The following TMED9 variants were observed in gnomAD, a reference collection of about 807,000 sequenced individuals.
TMED9 encodes transmembrane p24 trafficking protein 9.
In TMED9, 22 loss-of-function variants were observed where a neutral mutation model predicts 30.6. That is an observed-to-expected ratio of 0.72 (90% CI 0.51 to 1.03). TMED9 has a LOEUF of 1.03. Ranked by LOEUF, TMED9 falls within the 50% of genes least tolerant of loss-of-function variation. The pLI, the probability that TMED9 is intolerant of heterozygous loss-of-function variation, is 0.00. For missense variants in TMED9, 251 were observed against 302.1 expected, an observed-to-expected ratio of 0.83 and a Z score of 1.25; for synonymous variants, 146 against 122.8, an observed-to-expected ratio of 1.19 and a Z score of -1.25.
intron 2 of TMED9, 120 bp downstream of exon 2, chr5:177,592,795 T>A: frequency 1.4e-6 from 1 of 733,038 alleles, no homozygotes; most frequent in Non-Finnish European, 2.3e-6. Context: ...GGGAATATCC[T>A]GCTGACTTGC....
At chr5:177,594,523 C>T (rs1170628140) in intron 4 of TMED9, among the ~76,000 whole-genome samples, 1 of 152,234 alleles carries the variant, frequency 6.6e-6, no homozygotes, top group African/African-American at 2.4e-5. Flanking sequence ...TTGATACCAA[C>T]ACCTTGGGTG....
intron 2 of TMED9, 105 bp from the exon 3 acceptor site, chr5:177,593,545 A>G (rs1203099803): frequency 7.0e-7 from 1 of 1,425,018 alleles, no homozygotes; most frequent in Non-Finnish European, 9.7e-7. Flanking sequence ...TGAGGTGCGA[A>G]AGGCTGTGCC....
rs1422282519 is a variant in TMED9, at chr5:177,592,887, A to G, written c.285+212A>G. On this transcript the variant is annotated intron_variant, in intron 2 of 4. Transcript: ENST00000332598. ...GTTTTGTCAACTCTTAAAGTCATCT[A>G]GACTTTAAGATTTCACAGAACATGA... Among the ~76,000 whole-genome samples, 3 of 152,320 alleles carry G rather than the reference A, an allele frequency of 2.0e-5. 1 individual carries two copies. The highest frequency in any genetic ancestry group is 6.8e-3 in the Middle Eastern group (2 of 294).
chr5:177,593,815 A>G, intron 3 of TMED9, 40 bp downstream of exon 3: 1 of 1,611,816 alleles, frequency 6.2e-7, no homozygotes, highest in Non-Finnish European at 8.5e-7. Context: ...TTCAGCCTTC[A>G]TCCTTTGGTG....
At position 177,595,479 on chromosome 5, in the gene TMED9, T is replaced by C; in HGVS notation, c.*63T>C. 6.5e-7 allele frequency: 1 copy of C among 1,533,146 alleles called. No individual in the cohort carries two copies. The highest frequency in any genetic ancestry group is 8.9e-7 in the Non-Finnish European group (1 of 1,129,686). The allele number at this position is 1,533,146 out of a possible 1,614,324, so 95.0% of individuals were successfully genotyped here. ...GGAGAAAGGACCTCCTGGAACTGAC[T>C]TCTTCTGTCAGGAGGACTGGTTTCC... On this transcript the variant is annotated 3_prime_UTR_variant, in exon 5 of 5. Coordinates refer to ENST00000332598, the MANE Select transcript of TMED9 (RefSeq NM_017510.6).
At chr5:177,593,936 T>G (rs902684636) in intron 3 of TMED9, 161 bp downstream of exon 3, 14 of 1,218,378 alleles carry the variant, frequency 1.1e-5, no homozygotes, top group Non-Finnish European at 1.6e-5. Context: ...ACTGAGCTCT[T>G]TGTACATGCC....
In TMED9 at chr5:177,592,545, C is replaced by G. The variant is rs772972608; in HGVS notation, c.185-30C>G. On this transcript the variant is annotated intron_variant, in intron 1 of 4. Transcript: ENST00000332598. Reference sequence around the variant, plus strand: ...GGAACCCATGCCACCTCGCGCTCCTCTGACCTGGGCTCGCCCTGCTTCCCT... The same window carrying G: ...GGAACCCATGCCACCTCGCGCTCCTGTGACCTGGGCTCGCCCTGCTTCCCT... 13 of 1,599,332 alleles carry G rather than the reference C, an allele frequency of 8.1e-6. No homozygotes were observed. The African/African-American group carries it at 1.6e-4, about 20-fold the overall frequency.
At chr5:177,593,866 A>G in intron 3 of TMED9, 91 bp downstream of exon 3, 4 of 1,549,286 alleles carry the variant, frequency 2.6e-6, no homozygotes, top group Non-Finnish European at 3.5e-6. Context: ...TGAGAGGATT[A>G]TGTCAGATTT....
chr5:177,593,539 G>C, intron 2 of TMED9, 111 bp from the exon 3 acceptor site: 1 of 1,322,236 alleles, frequency 7.6e-7, no homozygotes, highest in Non-Finnish European at 1.1e-6. Flanking sequence ...GTGTTGTGAG[G>C]TGCGAAAGGC....
chr5:177,594,520 C>G (rs978082491), intron 4 of TMED9, among the ~76,000 whole-genome samples: 1 of 152,192 alleles, frequency 6.6e-6, no homozygotes. Context: ...CATTTGATAC[C>G]AACACCTTGG....
At chr5:177,594,849 G>A (rs2127507813) in intron 4 of TMED9, among the ~76,000 whole-genome samples, 1 of 152,288 alleles carries the variant, frequency 6.6e-6, no homozygotes, top group Non-Finnish European at 1.5e-5. Flanking sequence ...TGTGCACTGT[G>A]TGAGGCCAAC....
In TMED9 at chr5:177,596,697, G is replaced by A. The variant is rs184604089; in HGVS notation, c.*1281G>A. ...TGGATTAGAGAAGCCTCGAGCTCCA[G>A]GTAAGCGATTTGGACATGCCCACCT... On this transcript the variant is annotated 3_prime_UTR_variant, in exon 5 of 5. Transcript: ENST00000332598. Among the ~76,000 whole-genome samples, 211 of 152,324 alleles carry A rather than the reference G, an allele frequency of 1.4e-3. 3 individuals carry two copies. The highest frequency in any genetic ancestry group is 7.8e-4 in the Non-Finnish European group (53 of 68,028).
chr5:177,593,995 C>A, intron 3 of TMED9, 144 bp from the exon 4 acceptor site: 1 of 1,245,610 alleles, frequency 8.0e-7, no homozygotes, highest in Non-Finnish European at 1.1e-6. Flanking sequence ...GTGCCCAGAG[C>A]CTCATGGGGC....
At chr5:177,593,003 C>T (rs188715155) in intron 2 of TMED9, among the ~76,000 whole-genome samples, 4 of 152,204 alleles carry the variant, frequency 2.6e-5, no homozygotes, top group African/African-American at 9.6e-5. Flanking sequence ...CCTTCTGTCA[C>T]TTTTCGTTAA....
chr5:177,594,247 C>G lies in TMED9; in HGVS notation c.520C>G (p.Gln174Glu), dbSNP rs746430570. The change falls in exon 4 of 5, where the codon CAA becomes GAA. Residue 174 changes from glutamine (Q) to glutamate (E), a missense_variant. Coordinates refer to ENST00000332598, the MANE Select transcript of TMED9 (RefSeq NM_017510.6). ...GCTACGAGTGCGACAGCTGGTGGAA[C>G]AAGTGGAGCAGATCCAGAAAGAGCA... Reference protein sequence around the residue: ...LQLRVRQLVEQVEQIQKEQNY... With the variant: ...LQLRVRQLVEEVEQIQKEQNY... The G allele has an allele frequency of 1.2e-6, 2 of 1,614,166 alleles. No individual in the cohort carries two copies. The highest frequency in any genetic ancestry group is 1.7e-5 in the Admixed American group (1 of 60,022).
rs1767698625 is a variant in TMED9 at position 177,596,814 on chromosome 5, C to T, written c.*1398C>T. Among the ~76,000 whole-genome samples, 1 of 152,026 alleles carries T rather than the reference C, an allele frequency of 6.6e-6. No homozygotes were observed. Among genetic ancestry groups the T allele is most frequent in the African/African-American group, 2.4e-5 (1 of 41,378 alleles). ...AGCAGGTGGTGGGGTAAATGCCTGC[C>T]CCCCTCCCTCTGGCCTCTGGGCCCT... On this transcript the variant is annotated 3_prime_UTR_variant, in exon 5 of 5. Coordinates refer to ENST00000332598, the MANE Select transcript of TMED9 (RefSeq NM_017510.6).
intron 1 of TMED9, 55 bp downstream of exon 1, chr5:177,592,453 G>A: frequency 6.4e-7 from 1 of 1,558,306 alleles, no homozygotes; most frequent in African/African-American, 1.4e-5. Flanking sequence ...GTCTTGGGGC[G>A]GGGGATGCGA....
In TMED9 at chr5:177,595,671, T is replaced by A; in HGVS notation, c.*255T>A. On this transcript the variant is annotated 3_prime_UTR_variant, in exon 5 of 5. Transcript: ENST00000332598. ...ACCCAAGGGCTGGTAAAGCCCCTCC[T>A]CTTGGCACCTCAGAATCACAGTGTT... is the stretch of plus-strand genomic sequence containing the variant. The A allele has an allele frequency of 5.9e-6, 1 of 170,938 alleles. No homozygotes were observed. The allele number at this position is 170,938 out of a possible 1,614,324, so 10.6% of individuals were successfully genotyped here. A position where few individuals can be genotyped will look rare whatever the true frequency, so the allele number is the denominator to read the frequency against.
intron 3 of TMED9, 21 bp from the exon 4 acceptor site, chr5:177,594,118 A>G: frequency 6.2e-7 from 1 of 1,613,748 alleles, no homozygotes; most frequent in East Asian, 2.2e-5. Flanking sequence ...GATTTCCCTT[A>G]TCTCCTTTGT....
Sources: allele counts gnomAD v4.1 joint callset (sites outside exome capture counted in the v4.1 genomes callset), GRCh38; gene constraint gnomAD v4.1.1; transcripts MANE v1.5; gene names NCBI Gene and HGNC (gene_info 2026-07-23, HGNC 2026-07-21).